Variants in AFTPH observed in about 807,000 individuals in gnomAD.
AFTPH encodes aftiphilin protein.
Under a neutral mutation model 72.5 loss-of-function variants are expected in AFTPH, and 7 were observed. That is an observed-to-expected ratio of 0.10 (90% CI 0.05 to 0.18). The LOEUF is 0.18. Ranked by LOEUF, AFTPH falls within the 10% of genes least tolerant of loss-of-function variation. AFTPH has a pLI of 1.00. For synonymous variants in AFTPH, 337 were observed against 370.1 expected (o/e 0.91, Z 1.03); for missense variants, 979 against 1,060.5 (o/e 0.92, Z 1.07).
intron 1 of AFTPH, among the ~76,000 whole-genome samples, chr2:64,543,121 T>C (rs1371818822): frequency 9.2e-5 from 14 of 152,256 alleles, no homozygotes. Context: ...ATTTTATTGT[T>C]GTTTTAATGT....
chr2:64,525,245 G>T (rs994975788), intron 1 of AFTPH, among the ~76,000 whole-genome samples: 1 of 152,216 alleles, frequency 6.6e-6, no homozygotes, highest in Non-Finnish European at 1.5e-5. Flanking sequence ...TGAAAAGTTG[G>T]ACCATATTCC....
chr2:64,524,951 T>A (rs1158247110), intron 1 of AFTPH, among the ~76,000 whole-genome samples: 1 of 152,228 alleles, frequency 6.6e-6, no homozygotes. Flanking sequence ...CTGGCTGCGT[T>A]CTCCAGGGAG....
chr2:64,579,605 C>A, intron 7 of AFTPH, 59 bp downstream of exon 7: 1 of 1,425,490 alleles, frequency 7.0e-7, no homozygotes, highest in Non-Finnish European at 9.8e-7. Flanking sequence ...CTACAAAGTT[C>A]AGACAAACTT....
intron 8 of AFTPH, among the ~76,000 whole-genome samples, chr2:64,586,467 GC>G (rs1480313664): frequency 2.6e-5 from 4 of 152,120 alleles, no homozygotes; most frequent in African/African-American, 9.7e-5. Flanking sequence ...ATTTAAAAAA[GC>G]CTTTTTTATT....
At chr2:64,543,543 T>TA (rs1670383780) in intron 1 of AFTPH, among the ~76,000 whole-genome samples, 1 of 152,250 alleles carries the variant, frequency 6.6e-6, no homozygotes, top group Non-Finnish European at 1.5e-5. Flanking sequence ...CTGGAGCTTA[T>TA]TTCTGTATAA....
intron 1 of AFTPH, among the ~76,000 whole-genome samples, chr2:64,548,411 A>G (rs1670796981): frequency 6.8e-6 from 1 of 146,414 alleles, no homozygotes; most frequent in African/African-American, 2.5e-5. Context: ...AAAAAAGAAA[A>G]AAAAAAAAAA....
At chr2:64,549,022 C>G (rs976028505) in intron 1 of AFTPH, among the ~76,000 whole-genome samples, 2 of 152,152 alleles carry the variant, frequency 1.3e-5, no homozygotes, top group African/African-American at 4.8e-5. Flanking sequence ...TGAAGCCATT[C>G]TCCACTAAGC....
chr2:64,533,861 G>T (rs1669755299), intron 1 of AFTPH, among the ~76,000 whole-genome samples: 1 of 152,118 alleles, frequency 6.6e-6, no homozygotes, highest in Admixed American at 6.5e-5. Context: ...TAACAATTCT[G>T]TATTTAGGTA....
exon 9 of AFTPH, chr2:64,591,899 G>C: frequency 6.2e-7 from 1 of 1,613,776 alleles, no homozygotes; most frequent in South Asian, 1.1e-5. Flanking sequence ...AAACCGAAAA[G>C]AGAAGAGCAC....
rs929927908 is a variant in AFTPH at position 64,524,494 on chromosome 2, G to A, written c.-151G>A. On this transcript the variant is annotated 5_prime_UTR_variant, in exon 1 of 9. Transcript: ENST00000238856. ...GGTGCTGCTGCGCTGACAGGGCTGTGAGCAGCCGGCCTTCCGCTCTCACCA... is the reference window on the plus strand; with the variant it reads ...GGTGCTGCTGCGCTGACAGGGCTGTAAGCAGCCGGCCTTCCGCTCTCACCA... 4.9e-4 allele frequency: 195 copies of A among 400,190 alleles called. No homozygotes were observed. The East Asian group carries it at 6.9e-3, about 14-fold the overall frequency. 24.8% of individuals were successfully genotyped at this position (400,190 alleles called of 1,614,324 possible). A position where few individuals can be genotyped will look rare whatever the true frequency, so the allele number is the denominator to read the frequency against.
Position 64,581,644 on chromosome 2 carries a change from GA to G in AFTPH, c.2455+2099del, listed in dbSNP as rs199957412. Among the ~76,000 whole-genome samples, 698 of 152,168 alleles carry G rather than the reference GA, an allele frequency of 4.6e-3. 5 individuals are homozygous for G. Among genetic ancestry groups the G allele is most frequent in the African/African-American group, 0.016 (675 of 41,526 alleles). On this transcript the variant is annotated intron_variant, in intron 7 of 8. Transcript: ENST00000238856. ...TGAAAAAAATACAAGTTTAGAGATA[GA>G]TAGAATATTTTAGTATACAAAGATG...
chr2:64,524,365 T>C (rs1280717010), exon 1 of AFTPH: 1 of 400,838 alleles, frequency 2.5e-6, no homozygotes, highest in South Asian at 1.1e-4. Context: ...GGGCGGGGGG[T>C]CTCCGCGGAG....
chr2:64,544,006 T>C (rs1030129), intron 1 of AFTPH, among the ~76,000 whole-genome samples: 56,303 of 152,090 alleles, frequency 0.37, 10,710 homozygotes, highest in African/African-American at 0.46. Flanking sequence ...TTAGGTTCCA[T>C]TGCTGACTGC....
chr2:64,564,620 AT>A (rs1201073156), intron 2 of AFTPH, among the ~76,000 whole-genome samples: 234 of 145,824 alleles, frequency 1.6e-3, no homozygotes, highest in African/African-American at 6.3e-3. Flanking sequence ...TCTCAAAAAA[AT>A]AAAAAATAAA....
intron 1 of AFTPH, among the ~76,000 whole-genome samples, chr2:64,530,624 G>C (rs1669571866): frequency 6.6e-6 from 1 of 152,032 alleles, no homozygotes; most frequent in Non-Finnish European, 1.5e-5. Flanking sequence ...AAAGAAAACT[G>C]TTAATATTTT....
intron 2 of AFTPH, among the ~76,000 whole-genome samples, chr2:64,565,474 C>CAAAAA (rs11447048): frequency 3.4e-5 from 3 of 88,144 alleles, no homozygotes; most frequent in African/African-American, 1.2e-4. Context: ...GACTCTATCT[C>CAAAAA]AAAAAAAAAA....
chr2:64,579,555 C>T lies in AFTPH; in HGVS notation c.2455+9C>T. 6.2e-7 allele frequency: 1 copy of T among 1,611,736 alleles called. No homozygotes were observed. Among genetic ancestry groups the T allele is most frequent in the Non-Finnish European group, 8.5e-7 (1 of 1,178,038 alleles). On this transcript the variant is annotated intron_variant, in intron 7 of 8. Transcript: ENST00000238856. ...TACTAACCCTTTAGATGGTACGTCT[C>T]TCCGTAGAGCCTCTAGCACCAGAGC...
chr2:64,530,261 C>T (rs1167881871), intron 1 of AFTPH, among the ~76,000 whole-genome samples: 1 of 152,090 alleles, frequency 6.6e-6, no homozygotes, highest in East Asian at 1.9e-4. Context: ...AAAATGAAGA[C>T]TTGTTGTAGT....
intron 1 of AFTPH, among the ~76,000 whole-genome samples, chr2:64,548,811 T>C (rs1670838463): frequency 6.6e-6 from 1 of 152,218 alleles, no homozygotes; most frequent in South Asian, 2.1e-4. Flanking sequence ...TTTTTTTCTA[T>C]TTAAATCAGC....
Sources: gnomAD v4.1 joint callset for allele counts (sites outside exome capture counted in the v4.1 genomes callset) on GRCh38, gnomAD v4.1.1 for gene constraint, MANE v1.5 for transcripts, NCBI Gene and HGNC (gene_info 2026-07-23, HGNC 2026-07-21) for gene names.